The following ARB2A variants were observed in gnomAD, a reference collection of about 807,000 sequenced individuals.
ARB2A encodes cotranscriptional regulator ARB2A.
chr5:93,640,661 TAC>T, the ARB2A span, among the ~76,000 whole-genome samples: 2 of 150,072 alleles, frequency 1.3e-5, no homozygotes, highest in Non-Finnish European at 2.9e-5. Flanking sequence ...TACATATATA[TAC>T]ACACATATAT....
the ARB2A span, among the ~76,000 whole-genome samples, chr5:94,028,300 C>G: frequency 1.3e-5 from 2 of 152,230 alleles, no homozygotes; most frequent in African/African-American, 4.8e-5. Flanking sequence ...AGGACTGTCT[C>G]TCACAACACT....
At chr5:93,703,332 C>A in the ARB2A span, among the ~76,000 whole-genome samples, 3 of 152,152 alleles carry the variant, frequency 2.0e-5, no homozygotes, top group African/African-American at 7.2e-5. Context: ...TCTCAACTCC[C>A]CCACTTACAA....
chr5:93,943,449 C>G, the ARB2A span, among the ~76,000 whole-genome samples: 12 of 152,020 alleles, frequency 7.9e-5, no homozygotes, highest in African/African-American at 2.9e-4. Context: ...AGCCCTTAAA[C>G]AAGAATCTTT....
the ARB2A span, among the ~76,000 whole-genome samples, chr5:93,838,078 C>T: frequency 2.3e-4 from 35 of 152,186 alleles, no homozygotes; most frequent in African/African-American, 7.9e-4. Flanking sequence ...GAAATCTTTG[C>T]CAGGTCCTAT....
chr5:93,841,710 T>C, the ARB2A span, among the ~76,000 whole-genome samples: 3 of 152,222 alleles, frequency 2.0e-5, no homozygotes, highest in Non-Finnish European at 4.4e-5. Context: ...AATCACTTTA[T>C]ATAACCCTGT....
the ARB2A span, among the ~76,000 whole-genome samples, chr5:93,844,683 A>G: frequency 6.6e-6 from 1 of 152,180 alleles, no homozygotes; most frequent in African/African-American, 2.4e-5. Context: ...AGAAGAATAA[A>G]GAAAATGCTA....
At chr5:93,666,845 T>C in the ARB2A span, among the ~76,000 whole-genome samples, 1 of 152,212 alleles carries the variant, frequency 6.6e-6, no homozygotes, top group Non-Finnish European at 1.5e-5. Context: ...GTGTGGTAGA[T>C]GCTCCTAACT....
At chr5:94,088,709 C>A in the ARB2A span, among the ~76,000 whole-genome samples, 1 of 152,048 alleles carries the variant, frequency 6.6e-6, no homozygotes, top group Non-Finnish European at 1.5e-5. Context: ...TAAAAGTAAG[C>A]CCTTTTGAAA....
the ARB2A span, among the ~76,000 whole-genome samples, chr5:94,072,385 C>T: frequency 2.0e-5 from 3 of 151,884 alleles, no homozygotes; most frequent in Non-Finnish European, 4.4e-5. Context: ...CAAATTACTG[C>T]ATACAAAACC....
the ARB2A span, among the ~76,000 whole-genome samples, chr5:93,722,426 T>C: frequency 7.9e-5 from 12 of 152,232 alleles, no homozygotes; most frequent in South Asian, 2.5e-3. Context: ...ACGTATATCA[T>C]AATAATGACA....
At chr5:94,029,458 A>G in the ARB2A span, among the ~76,000 whole-genome samples, 1 of 152,146 alleles carries the variant, frequency 6.6e-6, no homozygotes, top group Admixed American at 6.5e-5. Flanking sequence ...TGTCCTTGTG[A>G]TGTTATTTAA....
At chr5:93,760,047 G>C in the ARB2A span, among the ~76,000 whole-genome samples, 7 of 152,182 alleles carry the variant, frequency 4.6e-5, no homozygotes, top group Admixed American at 2.0e-4. Flanking sequence ...ATTCAGCAAA[G>C]TTTCTGGATA....
the ARB2A span, among the ~76,000 whole-genome samples, chr5:93,905,350 G>A: frequency 1.3e-5 from 2 of 151,446 alleles, no homozygotes; most frequent in East Asian, 1.9e-4. Flanking sequence ...ATTCTAGTAC[G>A]GCAGTGTGGT....
At chr5:93,743,316 G>A in the ARB2A span, 1 of 153,984 alleles carries the variant, frequency 6.5e-6, no homozygotes, top group African/African-American at 2.4e-5. Flanking sequence ...TTCACTGCTA[G>A]ATCCTCAGCA....
chr5:93,878,044 T>C, the ARB2A span, among the ~76,000 whole-genome samples: 25 of 152,172 alleles, frequency 1.6e-4, no homozygotes, highest in Non-Finnish European at 2.9e-4. Context: ...TGAAAATATA[T>C]AGTTCAAGGT....
chr5:94,026,364 G>T, the ARB2A span, among the ~76,000 whole-genome samples: 6 of 151,822 alleles, frequency 4.0e-5, no homozygotes, highest in East Asian at 1.2e-3. Flanking sequence ...TTCTTGTCCT[G>T]TGTCCAAGAA....
chr5:94,058,310 C>T, the ARB2A span, among the ~76,000 whole-genome samples: 1 of 151,808 alleles, frequency 6.6e-6, no homozygotes, highest in South Asian at 2.1e-4. Flanking sequence ...ATCCAGCATC[C>T]AATAATGTAT....
At chr5:94,042,698 T>C in the ARB2A span, among the ~76,000 whole-genome samples, 1 of 152,204 alleles carries the variant, frequency 6.6e-6, no homozygotes, top group African/African-American at 2.4e-5. Context: ...TGGGTAGATA[T>C]GTCTATAAGG....
chr5:93,707,558 T>C, the ARB2A span, among the ~76,000 whole-genome samples: 1 of 151,692 alleles, frequency 6.6e-6, no homozygotes, highest in Non-Finnish European at 1.5e-5. Flanking sequence ...AGTTTTTCTT[T>C]TCTTTTCTTT....
Sources: gnomAD v4.1 joint callset for allele counts (sites outside exome capture counted in the v4.1 genomes callset) on GRCh38, gnomAD v4.1.1 for gene constraint, MANE v1.5 for transcripts, NCBI Gene and HGNC (gene_info 2026-07-23, HGNC 2026-07-21) for gene names.